Variants in NUP205 observed in about 807,000 individuals in gnomAD.
NUP205 encodes the protein nucleoporin 205.
Under a neutral mutation model 253.8 loss-of-function variants are expected in NUP205, and 76 were observed. The observed-to-expected ratio is 0.30, with a 90% CI of 0.25 to 0.36. The LOEUF (loss-of-function observed/expected upper bound fraction) is 0.36, where lower values mean the gene tolerates loss of function less well. NUP205 is among the 10% of genes least tolerant of loss of function. NUP205 has a pLI of 1.00. For missense variants in NUP205, 2,162 were observed against 2,425.5 expected (o/e 0.89, Z 2.28); for synonymous variants, 832 against 850.1 (o/e 0.98, Z 0.37).
At chr7:135,564,950 G>T (rs1805707649) in intron 1 of NUP205, among the ~76,000 whole-genome samples, 1 of 151,448 alleles carries the variant, frequency 6.6e-6, no homozygotes, top group Non-Finnish European at 1.5e-5. Flanking sequence ...AAAATTTTTT[G>T]TAGAGACAGG....
chr7:135,647,552 C>T (rs1412413659), intron 42 of NUP205, among the ~76,000 whole-genome samples: 1 of 152,226 alleles, frequency 6.6e-6, no homozygotes, highest in Non-Finnish European at 1.5e-5. Flanking sequence ...CAAGGTCTCA[C>T]TCCATTACCC....
chr7:135,630,033 A>G (rs1254412625), intron 34 of NUP205, among the ~76,000 whole-genome samples: 3 of 152,206 alleles, frequency 2.0e-5, no homozygotes, highest in Admixed American at 1.3e-4. Flanking sequence ...TAGTTTTCAT[A>G]CAGTAGTTCT....
intron 1 of NUP205, among the ~76,000 whole-genome samples, chr7:135,570,788 T>TAATATATATTAATTATATTAA (rs35185893): frequency 0.1 from 5,028 of 48,204 alleles, 518 homozygotes; most frequent in Non-Finnish European, 0.16. Flanking sequence ...TTAATTATAT[T>TAATATATATTAATTATATTAA]TATATATTAT....
intron 41 of NUP205, 186 bp downstream of exon 41, chr7:135,645,782 G>A (rs1794996119): frequency 1.6e-6 from 1 of 619,908 alleles, no homozygotes; most frequent in Non-Finnish European, 2.8e-6. Context: ...ATTGTGCTGA[G>A]CATAAGAATA....
intron 32 of NUP205, among the ~76,000 whole-genome samples, chr7:135,625,647 A>T (rs569088375): frequency 6.6e-6 from 1 of 152,340 alleles, no homozygotes; most frequent in Non-Finnish European, 1.5e-5. Flanking sequence ...TTGTCCTCTC[A>T]CAATACAATT....
At chr7:135,583,815 A>C (rs1431079508) in intron 7 of NUP205, among the ~76,000 whole-genome samples, 2 of 150,554 alleles carry the variant, frequency 1.3e-5, no homozygotes, top group Non-Finnish European at 3.0e-5. Context: ...TATGTAGTGA[A>C]TTTTTACTTT....
At chr7:135,602,684 CAA>C (rs1458186679) in intron 17 of NUP205, 119 bp from the exon 18 acceptor site, 13 of 770,730 alleles carry the variant, frequency 1.7e-5, no homozygotes, top group Admixed American at 6.0e-5. Flanking sequence ...AAGTTGGAAA[CAA>C]GAGTCTGAAT....
In NUP205 at chr7:135,584,837, G is replaced by T. The variant is rs1217566767; in HGVS notation, c.1048G>T (p.Ala350Ser). ...ISQLPDVTAL[A>S]EFTEADEAMA... ...GTTTTAAAATCTGTTTCTAGCTCTG[G>T]CAGAATTCACAGAGGCAGATGAAGC... The change falls in exon 8 of 43, where the codon GCA (alanine) becomes TCA (serine). Residue 350 changes from alanine (A) to serine (S), a missense_variant. By Grantham distance (99) the Ala-to-Ser change is moderately conservative. Transcript: ENST00000285968. 6.2e-7 allele frequency: 1 copy of T among 1,613,692 alleles called. No individual in the cohort carries two copies. The highest frequency in any genetic ancestry group is 8.5e-7 in the Non-Finnish European group (1 of 1,179,808).
chr7:135,561,357 CAAAA>C (rs1214797602), intron 1 of NUP205, among the ~76,000 whole-genome samples: 1 of 152,024 alleles, frequency 6.6e-6, no homozygotes, highest in Non-Finnish European at 1.5e-5. Context: ...AACAAACAAA[CAAAA>C]AACAAACAAA....
At chr7:135,613,624 C>T (rs547200517) in intron 22 of NUP205, 3 of 151,548 alleles carry the variant, frequency 2.0e-5, no homozygotes, top group Non-Finnish European at 2.9e-5. Flanking sequence ...GCAACCTCCA[C>T]CTCCAGGGTT....
At position 135,621,422 on chromosome 7, in the gene NUP205, G is replaced by T. The variant is rs537204991; in HGVS notation, c.4331-1355G>T. ...CTTAACATTCCATTTAGTTGAATTG[G>T]CCAAGTCACCACTTAACCACTAGGT... On this transcript the variant is annotated intron_variant, in intron 30 of 42. Coordinates refer to ENST00000285968, the MANE Select transcript of NUP205 (RefSeq NM_015135.3). Among the ~76,000 whole-genome samples, 3 of 152,208 alleles carry T rather than the reference G, an allele frequency of 2.0e-5. No homozygotes were observed. In the East Asian group the frequency reaches 5.8e-4, roughly 29 times the overall value.
In NUP205 at chr7:135,618,432, G is replaced by A. The variant is rs764380333; in HGVS notation, c.3792G>A (p.Gln1264=). ...TTTAGGAAATCAGCACTGTACTTCA[G>A]TATGTGGTAGGAAGAAATAAATTGC... ...LLMEEISTVL[Q]YVVGRNKLLQ... Residue 1264 remains glutamine, a synonymous_variant, in exon 28 of 43, where the codon CAG becomes CAA. Coordinates refer to ENST00000285968, the MANE Select transcript of NUP205 (RefSeq NM_015135.3). The A allele has an allele frequency of 2.5e-6, 4 of 1,614,072 alleles. No individual in the cohort carries two copies. Among genetic ancestry groups the A allele is most frequent in the African/African-American group, 1.3e-5 (1 of 75,048 alleles).
At position 135,645,467 on chromosome 7, in the gene NUP205, G is replaced by C; in HGVS notation, c.5684-1G>C. ...TTCCTTTAATCTGAGCTCTGGTATA[G>C]TTATCATAGAGACCTGCCTATTTAT... On this transcript the variant is annotated splice_acceptor_variant, in intron 40 of 42. Coordinates refer to ENST00000285968, the MANE Select transcript of NUP205 (RefSeq NM_015135.3). LOFTEE classifies it high-confidence loss of function. The C allele has an allele frequency of 6.2e-7, 1 of 1,613,330 alleles. No homozygotes were observed. Among genetic ancestry groups the C allele is most frequent in the South Asian group, 1.1e-5 (1 of 90,990 alleles).
At position 135,630,346 on chromosome 7, in the gene NUP205, A is replaced by G. The variant is rs1298992118; in HGVS notation, c.4935A>G (p.Val1645=). Residue 1645 remains valine, a splice_region_variant and synonymous_variant, in exon 35 of 43, where the codon GTA becomes GTG. Coordinates refer to ENST00000285968, the MANE Select transcript of NUP205 (RefSeq NM_015135.3). ...CCTCTTCCTTTTCAATGGCTTAGGTATTGCAGTTTCTTATTTCACATTCTG... is the reference window on the plus strand; with the variant it reads ...CCTCTTCCTTTTCAATGGCTTAGGTGTTGCAGTTTCTTATTTCACATTCTG... ...MAQHLQAAGQ[V]LQFLISHSDT... 2 of 1,585,206 alleles carry G rather than the reference A, an allele frequency of 1.3e-6. No homozygotes were observed. The highest frequency in any genetic ancestry group is 1.7e-6 in the Non-Finnish European group (2 of 1,167,876).
At chr7:135,586,020 C>G (rs988899289) in intron 8 of NUP205, among the ~76,000 whole-genome samples, 4 of 152,100 alleles carry the variant, frequency 2.6e-5, no homozygotes, top group Admixed American at 2.6e-4. Context: ...AGTATATGCT[C>G]TGTGTGCTGT....
chr7:135,623,940 G>A (rs556847714), intron 31 of NUP205, among the ~76,000 whole-genome samples: 12 of 151,948 alleles, frequency 7.9e-5, no homozygotes, highest in African/African-American at 2.4e-4. Flanking sequence ...CCGCCACTAC[G>A]CCTGGCTAAT....
intron 1 of NUP205, among the ~76,000 whole-genome samples, chr7:135,568,741 C>T (rs1805857068): frequency 6.6e-6 from 1 of 152,134 alleles, no homozygotes; most frequent in Admixed American, 6.6e-5. Context: ...AAGCACTACT[C>T]CTACCTCTTT....
Position 135,594,669 on chromosome 7 carries a change from AG to A in NUP205, c.1954del (p.Ala652LeufsTer25). The A allele has an allele frequency of 6.2e-7, 1 of 1,613,876 alleles. No homozygotes were observed. The highest frequency in any genetic ancestry group is 8.5e-7 in the Non-Finnish European group (1 of 1,179,896). ...LKAELLKTLA[A>X]FGKSPEIAAS... Reference sequence around the variant, plus strand: ...AAGCTGAGCTACTGAAGACACTCGCAGCTTTTGGAAAATCTCCTGAAATTGC... The same window carrying A: ...AAGCTGAGCTACTGAAGACACTCGCACTTTTGGAAAATCTCCTGAAATTGC... On this transcript the variant is annotated frameshift_variant, in exon 13 of 43. Coordinates refer to ENST00000285968, the MANE Select transcript of NUP205 (RefSeq NM_015135.3). LOFTEE classifies it high-confidence loss of function.
chr7:135,603,513 T>C (rs1794010411), intron 18 of NUP205, among the ~76,000 whole-genome samples: 1 of 151,886 alleles, frequency 6.6e-6, no homozygotes, highest in Non-Finnish European at 1.5e-5. Flanking sequence ...TACTTTTTTT[T>C]TTTTTTGTCT....
Sources: allele counts gnomAD v4.1 joint callset (sites outside exome capture counted in the v4.1 genomes callset), GRCh38; gene constraint gnomAD v4.1.1; transcripts MANE v1.5; gene names NCBI Gene and HGNC (gene_info 2026-07-23, HGNC 2026-07-21).